Variants in RHOBTB3 observed in about 807,000 individuals in gnomAD.
RHOBTB3 encodes the protein rho-related BTB domain-containing protein 3.
RHOBTB3 carries 47 observed loss-of-function variants against 67.2 expected under a neutral mutation model. The observed-to-expected ratio is 0.70, with a 90% CI of 0.55 to 0.89. The LOEUF (loss-of-function observed/expected upper bound fraction) is 0.89, where lower values mean the gene tolerates loss of function less well. RHOBTB3 is among the 40% of genes least tolerant of loss of function. RHOBTB3 has a pLI of 0.00. For missense variants in RHOBTB3, 631 were observed against 750.0 expected (o/e 0.84, Z 1.85); for synonymous variants, 273 against 274.2 (o/e 1.00, Z 0.04).
intron 4 of RHOBTB3, among the ~76,000 whole-genome samples, chr5:95,751,908 C>T (rs1173620534): frequency 2.0e-5 from 3 of 152,138 alleles, no homozygotes; most frequent in South Asian, 2.1e-4. Context: ...CGTGTATATG[C>T]GCCACGTTTT....
At chr5:95,749,320 A>G (rs548504216) in intron 4 of RHOBTB3, among the ~76,000 whole-genome samples, 2 of 152,252 alleles carry the variant, frequency 1.3e-5, no homozygotes, top group Non-Finnish European at 2.9e-5. Flanking sequence ...ATACGCCCCA[A>G]TATTCATTAT....
intron 3 of RHOBTB3, among the ~76,000 whole-genome samples, chr5:95,742,087 C>T (rs529080288): frequency 6.6e-6 from 1 of 152,166 alleles, no homozygotes; most frequent in Non-Finnish European, 1.5e-5. Context: ...TATCCCAGTC[C>T]TAGAATCAGC....
intron 6 of RHOBTB3, among the ~76,000 whole-genome samples, chr5:95,760,016 C>T (rs188039841): frequency 4.2e-4 from 63 of 151,380 alleles, no homozygotes; most frequent in South Asian, 2.3e-3. Flanking sequence ...CTTTTTTTAA[C>T]CTTTAGGAAT....
At chr5:95,735,238 T>TG (rs1755425472) in intron 2 of RHOBTB3, among the ~76,000 whole-genome samples, 1 of 151,516 alleles carries the variant, frequency 6.6e-6, no homozygotes, top group Admixed American at 6.6e-5. Flanking sequence ...TTGCCTTTGT[T>TG]GTTTATAGTC....
At chr5:95,744,671 TC>T (rs1755701059) in intron 3 of RHOBTB3, among the ~76,000 whole-genome samples, 2 of 152,132 alleles carry the variant, frequency 1.3e-5, no homozygotes, top group African/African-American at 4.8e-5. Context: ...TATATTGGCT[TC>T]CCCCCATCCA....
upstream of RHOBTB3, chr5:95,730,825 A>AT (rs1339920396): frequency 2.2e-6 from 1 of 448,780 alleles, no homozygotes; most frequent in Non-Finnish European, 4.5e-6. Flanking sequence ...TGTTGCCTTT[A>AT]TTTTTTCTCA....
rs1407986643 is a variant in RHOBTB3, at chr5:95,768,132, G to A, written c.1248G>A (p.Lys416=). The part of the protein sequence containing the change: ...YNTSLKFFLN[K]PMLADVVFEI... Reference sequence around the variant, plus strand: ...CTTCCCTCAAGTTTTTCCTTAATAAGCCGATGCTTGCCGATGTTGTCTTCG... The same window carrying A: ...CTTCCCTCAAGTTTTTCCTTAATAAACCGATGCTTGCCGATGTTGTCTTCG... Residue 416 remains lysine, a synonymous_variant, in exon 8 of 12, where the codon AAG becomes AAA. Coordinates refer to ENST00000379982, the MANE Select transcript of RHOBTB3 (RefSeq NM_014899.4). 3 of 1,613,280 alleles carry A rather than the reference G, an allele frequency of 1.9e-6. No homozygotes were observed. Among genetic ancestry groups the A allele is most frequent in the Non-Finnish European group, 2.5e-6 (3 of 1,179,604 alleles).
At chr5:95,724,947 G>A (rs2112752827) in intron 1 of RHOBTB3, among the ~76,000 whole-genome samples, 1 of 152,168 alleles carries the variant, frequency 6.6e-6, no homozygotes, top group South Asian at 2.1e-4. Flanking sequence ...CAGCTACTTG[G>A]GAGGCTGAGG....
chr5:95,763,667 T>A (rs573717737), intron 7 of RHOBTB3, 47 bp downstream of exon 7: 2 of 1,028,250 alleles, frequency 1.9e-6, no homozygotes, highest in Admixed American at 1.7e-5. Flanking sequence ...CTCTGAATTA[T>A]AACTCACATA....
rs1215423486 is a variant in RHOBTB3, at chr5:95,794,722, A to C, written c.*1548A>C. The C allele has an allele frequency of 6.6e-6, 1 of 152,194 alleles. No homozygotes were observed. The highest frequency in any genetic ancestry group is 1.9e-4 in the East Asian group (1 of 5,204). The allele number at this position is 152,194 out of a possible 1,614,324, so 9.4% of individuals were successfully genotyped here. A position where few individuals can be genotyped will look rare whatever the true frequency, so the allele number is the denominator to read the frequency against. On this transcript the variant is annotated 3_prime_UTR_variant, in exon 12 of 12. Coordinates refer to ENST00000379982, the MANE Select transcript of RHOBTB3 (RefSeq NM_014899.4). The stretch of plus-strand genomic sequence containing the variant: ...CTTTAGAATACACACAGTTTTTCCG[A>C]CTTTTCAAAAATTTGATTAAATGGT...
chr5:95,775,406 GTATATATATATA>G (rs70978192), intron 8 of RHOBTB3, among the ~76,000 whole-genome samples: 1 of 144,198 alleles, frequency 6.9e-6, no homozygotes, highest in African/African-American at 2.5e-5. Flanking sequence ...ATATATATGT[GTATATATATATA>G]TATACACATA....
At chr5:95,792,247 C>T (rs1031664927) in intron 11 of RHOBTB3, among the ~76,000 whole-genome samples, 10 of 151,928 alleles carry the variant, frequency 6.6e-5, no homozygotes, top group Non-Finnish European at 1.3e-4. Context: ...CTTATCCGGG[C>T]GTGGTGACAG....
chr5:95,765,270 C>T (rs1290395801), intron 7 of RHOBTB3, among the ~76,000 whole-genome samples: 2 of 152,168 alleles, frequency 1.3e-5, no homozygotes, highest in Non-Finnish European at 2.9e-5. Context: ...GTACAGAAAT[C>T]TTGCCTTTTC....
At chr5:95,783,722 G>C in intron 9 of RHOBTB3, 75 bp from the exon 10 acceptor site, 2 of 1,253,064 alleles carry the variant, frequency 1.6e-6, no homozygotes, top group Non-Finnish European at 2.2e-6. Context: ...GTTGTTTTTT[G>C]TTGGTGGGGG....
At chr5:95,783,655 C>CT (rs1458397161) in intron 9 of RHOBTB3, 142 bp from the exon 10 acceptor site, 14 of 511,580 alleles carry the variant, frequency 2.7e-5, no homozygotes, top group African/African-American at 4.0e-5. Context: ...TCCCTCGAGG[C>CT]TTTTCCTAAC....
Position 95,755,607 on chromosome 5 carries a change from C to G in RHOBTB3, c.894C>G (p.Ile298Met). Reference sequence around the variant, plus strand: ...CCACTGACATTCAGGATTCCAGTATCATCCGAACTACCCAGGATCTTTTTG... The same window carrying G: ...CCACTGACATTCAGGATTCCAGTATGATCCGAACTACCCAGGATCTTTTTG... ...KSPTDIQDSS[I>M]IRTTQDLFAI... Residue 298 changes from isoleucine to methionine, a missense_variant, in exon 6 of 12, where the codon ATC becomes ATG. Physicochemically the swap from Ile to Met is conservative, Grantham distance 10. Coordinates refer to ENST00000379982, the MANE Select transcript of RHOBTB3 (RefSeq NM_014899.4). 1 of 1,614,140 alleles carries G rather than the reference C, an allele frequency of 6.2e-7. No individual in the cohort carries two copies. The highest frequency in any genetic ancestry group is 8.5e-7 in the Non-Finnish European group (1 of 1,180,002).
intron 5 of RHOBTB3, among the ~76,000 whole-genome samples, chr5:95,753,434 A>G (rs1745151382): frequency 6.6e-6 from 1 of 152,230 alleles, no homozygotes; most frequent in South Asian, 2.1e-4. Flanking sequence ...ATAAACTTTA[A>G]AATAAATAAA....
intron 10 of RHOBTB3, among the ~76,000 whole-genome samples, chr5:95,785,330 G>A (rs1000005574): frequency 6.6e-5 from 10 of 152,160 alleles, no homozygotes; most frequent in African/African-American, 1.2e-4. Flanking sequence ...GGTGGCTTAC[G>A]CCTGGAATCC....
Position 95,793,969 on chromosome 5 carries a change from G to T in RHOBTB3, c.*795G>T, listed in dbSNP as rs1746496713. On this transcript the variant is annotated 3_prime_UTR_variant, in exon 12 of 12. Coordinates refer to ENST00000379982, the MANE Select transcript of RHOBTB3 (RefSeq NM_014899.4). ...CTCAAAATTATGTCTGTTTCGTGGT[G>T]GGAAATATCCTATGTTTTCTTGCTC... The T allele has an allele frequency of 6.6e-6, 3 of 455,440 alleles. No homozygotes were observed. The highest frequency in any genetic ancestry group is 1.3e-5 in the Non-Finnish European group (3 of 226,766). 28.2% of individuals were successfully genotyped at this position (455,440 alleles called of 1,614,324 possible). A position where few individuals can be genotyped will look rare whatever the true frequency, so the allele number is the denominator to read the frequency against.
Sources: gnomAD v4.1 joint callset for allele counts (sites outside exome capture counted in the v4.1 genomes callset) on GRCh38, gnomAD v4.1.1 for gene constraint, MANE v1.5 for transcripts, NCBI Gene and HGNC (gene_info 2026-07-23, HGNC 2026-07-21) for gene names.